NLGN4X: variants seen among roughly 807,000 people sequenced by gnomAD.
NLGN4X encodes the protein neuroligin 4 X-linked, also known as neuroligin-4, X-linked.
Under a neutral mutation model 40.3 loss-of-function variants are expected in NLGN4X, and 3 were observed. That is an observed-to-expected ratio of 0.07 (90% CI 0.03 to 0.19). The LOEUF is 0.19. NLGN4X is among the 10% of genes least tolerant of loss of function. NLGN4X has a pLI of 1.00. For missense variants in NLGN4X, 382 were observed against 708.3 expected, an observed-to-expected ratio of 0.54 and a Z score of 5.23; for synonymous variants, 270 against 306.8, an observed-to-expected ratio of 0.88 and a Z score of 1.25.
chrX:6,144,782 T>C (rs2040014281), intron 2 of NLGN4X, among the ~76,000 whole-genome samples: 1 of 111,559 alleles, frequency 9.0e-6, no homozygotes, highest in Non-Finnish European at 1.9e-5. Flanking sequence ...GTCTGCTGAT[T>C]AGCAAACCTA....
At position 6,200,692 on chromosome X, in the gene NLGN4X, T is replaced by TTTTTTTCTTTTTC. The variant is rs1397735211; in HGVS notation, c.-306+27848_-306+27849insGAAAAAGAAAAAA. On this transcript the variant is annotated intron_variant, in intron 1 of 5. Coordinates refer to ENST00000381095, the MANE Select transcript of NLGN4X (RefSeq NM_181332.3). ...TAATTTATTCCTTTCCTTTTCTTTT[T>TTTTTTTCTTTTTC]TTTTTTTTTTTTTTTACAAGATCTT... Among the ~76,000 whole-genome samples, 7 of 89,991 alleles carry TTTTTTTCTTTTTC rather than the reference T, an allele frequency of 7.8e-5. No individual in the cohort carries two copies. The South Asian group carries it at 1.7e-3, about 21-fold the overall frequency. 78.1% of individuals were successfully genotyped at this position (89,991 alleles called of 115,157 possible). A position where few individuals can be genotyped will look rare whatever the true frequency, so the allele number is the denominator to read the frequency against.
At chrX:6,198,211 A>C (rs1048083308) in intron 1 of NLGN4X, among the ~76,000 whole-genome samples, 1 of 112,033 alleles carries the variant, frequency 8.9e-6, no homozygotes, top group Non-Finnish European at 1.9e-5. Flanking sequence ...CACTATAATG[A>C]CGTTTCGAAT....
chrX:6,222,108 T>C (rs1925766636), intron 1 of NLGN4X, among the ~76,000 whole-genome samples: 1 of 111,672 alleles, frequency 9.0e-6, no homozygotes, highest in Admixed American at 9.5e-5. Context: ...TCAGCTTATA[T>C]GACAGGCTAA....
At chrX:6,185,014 C>G (rs1056046874) in intron 1 of NLGN4X, among the ~76,000 whole-genome samples, 1 of 112,531 alleles carries the variant, frequency 8.9e-6, no homozygotes, top group African/African-American at 3.2e-5. Context: ...TGGTTTCCAG[C>G]CAGGGCTTGT....
chrX:6,020,731 T>C (rs1224194362), intron 3 of NLGN4X, among the ~76,000 whole-genome samples: 1 of 111,769 alleles, frequency 8.9e-6, no homozygotes, highest in African/African-American at 3.3e-5. Flanking sequence ...TTTTATTTGA[T>C]GATTAAATGA....
At chrX:6,042,685 TTATATATATATA>T (rs749649054) in intron 2 of NLGN4X, among the ~76,000 whole-genome samples, 469 of 28,412 alleles carry the variant, frequency 0.017, 21 homozygotes, top group South Asian at 0.1. Context: ...CATAGAGGTT[TTATATATATATA>T]TATATATATA....
At chrX:6,142,803 T>C (rs1054937294) in intron 2 of NLGN4X, among the ~76,000 whole-genome samples, 8 of 112,484 alleles carry the variant, frequency 7.1e-5, no homozygotes, top group African/African-American at 2.6e-4. Flanking sequence ...AATTCACATA[T>C]GCTCAAAATC....
chrX:6,158,226 A>G (rs1005763743), intron 1 of NLGN4X, among the ~76,000 whole-genome samples: 9 of 111,984 alleles, frequency 8.0e-5, no homozygotes, highest in African/African-American at 2.9e-4. Flanking sequence ...ATGTGCCACC[A>G]TGCCTGTAGT....
At position 5,997,565 on chromosome X, in the gene NLGN4X, C is replaced by CGTGTGT. The variant is rs535392837; in HGVS notation, c.625+31714_625+31715insACACAC. On this transcript the variant is annotated intron_variant, in intron 3 of 5. Coordinates refer to ENST00000381095, the MANE Select transcript of NLGN4X (RefSeq NM_181332.3). Reference sequence around the variant, plus strand: ...TATACACATTTAATATATAAAATTACATGTGTGTGTGTGTGTGTGTGTATA... The same window carrying CGTGTGT: ...TATACACATTTAATATATAAAATTACGTGTGTATGTGTGTGTGTGTGTGTGTGTATA... Among the ~76,000 whole-genome samples, 626 of 68,014 alleles carry CGTGTGT rather than the reference C, an allele frequency of 9.2e-3. 1 individual carries two copies. The highest frequency in any genetic ancestry group is 0.013 in the African/African-American group (284 of 21,292). The allele number at this position is 68,014 out of a possible 115,157, so 59.1% of individuals were successfully genotyped here.
At chrX:5,974,136 C>G (rs989732672) in intron 3 of NLGN4X, among the ~76,000 whole-genome samples, 2 of 111,928 alleles carry the variant, frequency 1.8e-5, no homozygotes, top group African/African-American at 3.2e-5. Context: ...GAAAGGTGGT[C>G]GCTGAAACAA....
chrX:6,026,251 A>T (rs1166211695), intron 3 of NLGN4X, among the ~76,000 whole-genome samples: 1 of 111,622 alleles, frequency 9.0e-6, no homozygotes. Flanking sequence ...TAAAAAAAAA[A>T]AATCTTAAAA....
At chrX:6,196,581 A>AAAAAAAT (rs1923110091) in intron 1 of NLGN4X, among the ~76,000 whole-genome samples, 8 of 102,116 alleles carry the variant, frequency 7.8e-5, no homozygotes, top group African/African-American at 1.1e-4. Context: ...AAAAAAAAAA[A>AAAAAAAT]GTGTCTCATG....
Position 6,042,730 on chromosome X carries a change from T to TACACACACAC in NLGN4X, c.473-13308_473-13299dup, listed in dbSNP as rs1555956845. 1.4e-3 allele frequency among the ~76,000 whole-genome samples: 28 copies of TACACACACAC among 20,160 alleles called. 1 individual carries two copies. Among genetic ancestry groups the TACACACACAC allele is most frequent in the African/African-American group, 3.7e-3 (23 of 6,292 alleles). 17.5% of individuals were successfully genotyped at this position (20,160 alleles called of 115,157 possible). On this transcript the variant is annotated intron_variant, in intron 2 of 5. Transcript: ENST00000381095. ...ATATATATATATATATATATATATATACACACACACGTACACATATCTATA... is the reference window on the plus strand; with the variant it reads ...ATATATATATATATATATATATATATACACACACACACACACACACGTACACATATCTATA...
At chrX:6,007,300 T>C (rs998804106) in intron 3 of NLGN4X, among the ~76,000 whole-genome samples, 1 of 110,596 alleles carries the variant, frequency 9.0e-6, no homozygotes, top group Non-Finnish European at 1.9e-5. Context: ...TAATAGACAC[T>C]GGAGACTATA....
intron 1 of NLGN4X, chrX:6,187,933 T>C (rs1206825507): frequency 8.9e-6 from 1 of 112,434 alleles, no homozygotes; most frequent in Non-Finnish European, 1.9e-5. Flanking sequence ...AAAATTAAGT[T>C]ACATTTTAAA....
At chrX:6,218,623 C>G (rs1329867126) in intron 1 of NLGN4X, among the ~76,000 whole-genome samples, 2 of 111,566 alleles carry the variant, frequency 1.8e-5, no homozygotes, top group African/African-American at 6.5e-5. Flanking sequence ...CTTCTTTGTA[C>G]CCCACTTATT....
chrX:6,130,813 G>A (rs10856356), intron 2 of NLGN4X, among the ~76,000 whole-genome samples: 1 of 110,445 alleles, frequency 9.1e-6, no homozygotes, highest in African/African-American at 3.3e-5. Context: ...TAATGAGCAC[G>A]GATTAATCCT....
intron 3 of NLGN4X, among the ~76,000 whole-genome samples, chrX:5,982,283 A>G (rs2035411219): frequency 8.9e-6 from 1 of 112,384 alleles, no homozygotes; most frequent in Non-Finnish European, 1.9e-5. Context: ...CAAGTTGCAT[A>G]GGCTGTGGTG....
intron 1 of NLGN4X, among the ~76,000 whole-genome samples, chrX:6,180,883 C>T (rs1020444609): frequency 1.3e-4 from 14 of 110,614 alleles, no homozygotes; most frequent in Non-Finnish European, 2.5e-4. Flanking sequence ...TTCCCTGGAG[C>T]AGAGTTATAT....
Sources: gnomAD v4.1 joint callset for allele counts (sites outside exome capture counted in the v4.1 genomes callset) on GRCh38, gnomAD v4.1.1 for gene constraint, MANE v1.5 for transcripts, NCBI Gene and HGNC (gene_info 2026-07-23, HGNC 2026-07-21) for gene names.